The following NELL1 variants were observed in gnomAD, a reference collection of about 807,000 sequenced individuals.
NELL1 encodes the protein neural EGFL like 1.
In NELL1, 76 loss-of-function variants were observed where a neutral mutation model predicts 107.4. The observed-to-expected ratio is 0.71, with a 90% CI of 0.59 to 0.86. NELL1 has a LOEUF of 0.86. Among genes scored for constraint, NELL1 ranks in the 40% least tolerant of loss-of-function variants. The pLI is 0.00. For synonymous variants in NELL1, 353 were observed against 341.2 expected, an observed-to-expected ratio of 1.03 and a Z score of -0.38; for missense variants, 1,024 against 1,005.5, an observed-to-expected ratio of 1.02 and a Z score of -0.25.
At chr11:21,186,533 T>C (rs1473452461) in intron 13 of NELL1, among the ~76,000 whole-genome samples, 1 of 151,898 alleles carries the variant, frequency 6.6e-6, no homozygotes. Flanking sequence ...TAATTGCTCA[T>C]CTCTGGACCC....
At chr11:20,812,794 G>T in intron 3 of NELL1, among the ~76,000 whole-genome samples, 1 of 151,710 alleles carries the variant, frequency 6.6e-6, no homozygotes, top group East Asian at 2.0e-4. Flanking sequence ...GGATCACGAG[G>T]TCAGGAGATC....
chr11:21,275,804 T>C (rs1026275630), intron 14 of NELL1, among the ~76,000 whole-genome samples: 4 of 152,174 alleles, frequency 2.6e-5, no homozygotes, highest in Non-Finnish European at 5.9e-5. Flanking sequence ...AAAAACCATA[T>C]GATTATCTCA....
chr11:20,942,585 G>A (rs1214423936), intron 10 of NELL1, among the ~76,000 whole-genome samples: 1 of 152,152 alleles, frequency 6.6e-6, no homozygotes, highest in Non-Finnish European at 1.5e-5. Flanking sequence ...GGAGAACTTA[G>A]TAGAGTGCTT....
chr11:21,288,019 AAAG>A (rs1849163199), intron 14 of NELL1, among the ~76,000 whole-genome samples: 1 of 151,966 alleles, frequency 6.6e-6, no homozygotes, highest in Non-Finnish European at 1.5e-5. Flanking sequence ...TAAGGGAAGG[AAAG>A]AAGGAAGGAA....
chr11:21,405,656 T>TC (rs1434482053), intron 15 of NELL1, among the ~76,000 whole-genome samples: 1 of 152,008 alleles, frequency 6.6e-6, no homozygotes, highest in Non-Finnish European at 1.5e-5. Flanking sequence ...CAGTCTATAT[T>TC]CTTGGAACTA....
intron 11 of NELL1, among the ~76,000 whole-genome samples, chr11:20,949,816 G>A (rs1851035866): frequency 6.6e-6 from 1 of 152,166 alleles, no homozygotes; most frequent in Admixed American, 6.5e-5. Flanking sequence ...AGAGTGGGAG[G>A]CAGGAGGAAG....
At chr11:20,991,862 C>T (rs1851981156) in intron 12 of NELL1, among the ~76,000 whole-genome samples, 1 of 152,136 alleles carries the variant, frequency 6.6e-6, no homozygotes, top group Non-Finnish European at 1.5e-5. Context: ...TTAAACTCAT[C>T]TCTTATTCTG....
At position 21,200,540 on chromosome 11, in the gene NELL1, A is replaced by G. The variant is rs117932404; in HGVS notation, c.1427-28792A>G. On this transcript the variant is annotated intron_variant, in intron 13 of 19. Transcript: ENST00000357134. ...TATAGATTCTAGATATTAGCCCCTC[A>G]TCAAATGGGTAGATTGCAAAAATTT... 1.3e-3 allele frequency among the ~76,000 whole-genome samples: 199 copies of G among 152,208 alleles called. 5 individuals carry two copies. In the East Asian group the frequency reaches 0.027, roughly 21 times the overall value.
chr11:20,817,858 T>C (rs1431769203), intron 3 of NELL1, among the ~76,000 whole-genome samples: 2 of 152,014 alleles, frequency 1.3e-5, no homozygotes, highest in African/African-American at 4.8e-5. Context: ...TTCTGCCTTG[T>C]TTTAATTGTT....
At chr11:20,927,559 T>TAAAA in intron 8 of NELL1, 117 bp downstream of exon 8, 2 of 968,728 alleles carry the variant, frequency 2.1e-6, no homozygotes, top group Non-Finnish European at 1.5e-6. Context: ...GTTAGGTTTT[T>TAAAA]ACCTAGCACC....
At chr11:20,863,892 G>A (rs975839559) in intron 4 of NELL1, among the ~76,000 whole-genome samples, 5 of 152,196 alleles carry the variant, frequency 3.3e-5, no homozygotes, top group African/African-American at 1.2e-4. Context: ...GATCACTCGC[G>A]GTTAGGAGCT....
intron 3 of NELL1, among the ~76,000 whole-genome samples, chr11:20,792,425 A>C (rs985948751): frequency 2.0e-5 from 3 of 151,948 alleles, no homozygotes; most frequent in African/African-American, 4.8e-5. Flanking sequence ...TTTTCTTTCC[A>C]ACTTTAATAA....
At chr11:21,097,259 T>C (rs529396531) in intron 12 of NELL1, among the ~76,000 whole-genome samples, 2 of 152,244 alleles carry the variant, frequency 1.3e-5, no homozygotes, top group Admixed American at 1.3e-4. Flanking sequence ...TTGTTGGATA[T>C]AAAATGCTCC....
chr11:21,047,552 T>C (rs898089634), intron 12 of NELL1, among the ~76,000 whole-genome samples: 7 of 152,176 alleles, frequency 4.6e-5, no homozygotes, highest in Admixed American at 1.3e-4. Flanking sequence ...ACAATTTATT[T>C]AACATTTCAG....
intron 12 of NELL1, among the ~76,000 whole-genome samples, chr11:21,074,436 T>C (rs1854086481): frequency 6.6e-6 from 1 of 152,122 alleles, no homozygotes; most frequent in Admixed American, 6.6e-5. Flanking sequence ...TTGGGGGCTG[T>C]GGTAGGCAGA....
intron 2 of NELL1, among the ~76,000 whole-genome samples, chr11:20,755,867 T>A (rs1448828224): frequency 2.5e-3 from 6 of 2,430 alleles, no homozygotes; most frequent in African/African-American, 0.011. Flanking sequence ...GACCTGCGGT[T>A]TTTTTTTTTT....
intron 12 of NELL1, among the ~76,000 whole-genome samples, chr11:21,020,332 G>A (rs950342566): frequency 1.3e-5 from 2 of 152,000 alleles, no homozygotes; most frequent in Admixed American, 6.6e-5. Flanking sequence ...GCCAGACACA[G>A]CGTTGAGCAG....
intron 4 of NELL1, among the ~76,000 whole-genome samples, chr11:20,876,893 CTGAATG>C (rs1478284348): frequency 1.3e-5 from 2 of 152,170 alleles, no homozygotes; most frequent in East Asian, 3.8e-4. Flanking sequence ...AACCTATGGA[CTGAATG>C]CTGAATATTT....
chr11:20,884,190 C>T (rs1226521250), intron 4 of NELL1, among the ~76,000 whole-genome samples: 2 of 152,224 alleles, frequency 1.3e-5, no homozygotes, highest in Non-Finnish European at 1.5e-5. Context: ...AAGACTGCAG[C>T]GCGACAGCTC....
Sources: gnomAD v4.1 joint callset for allele counts (sites outside exome capture counted in the v4.1 genomes callset) on GRCh38, gnomAD v4.1.1 for gene constraint, MANE v1.5 for transcripts, NCBI Gene and HGNC (gene_info 2026-07-23, HGNC 2026-07-21) for gene names.